The following CSMD2 variants were observed in gnomAD, a reference collection of about 807,000 sequenced individuals.
CSMD2 encodes the protein CUB and Sushi multiple domains 2, also known as CUB and sushi domain-containing protein 2.
A neutral mutation model predicts 398.5 loss-of-function variants in CSMD2; 130 were observed. That is an observed-to-expected ratio of 0.33 (90% CI 0.28 to 0.38). The LOEUF is 0.38. Ranked by LOEUF, CSMD2 falls within the 10% of genes least tolerant of loss-of-function variation. The pLI is 1.00. For missense variants in CSMD2, 3,829 were observed against 4,764.9 expected (o/e 0.80, Z 5.78); for synonymous variants, 1,828 against 1,908.5 (o/e 0.96, Z 1.10).
chr1:33,785,112 C>A lies in CSMD2; in HGVS notation c.1663+3488G>T, dbSNP rs549695538. Among the ~76,000 whole-genome samples the A allele has an allele frequency of 1.5e-4, 23 of 152,352 alleles. 1 individual carries two copies. The South Asian group carries it at 4.8e-3, about 32-fold the overall frequency. On this transcript the variant is annotated intron_variant, in intron 12 of 70. Coordinates refer to ENST00000373381, the MANE Select transcript of CSMD2 (RefSeq NM_001281956.2). ...AGGAGAAGTCCTGCTGACACCTAGT[C>A]CATGAGCAGCATTCACATAGCATAT...
chr1:33,848,660 A>ACC (rs1365528685), intron 5 of CSMD2, among the ~76,000 whole-genome samples: 1 of 152,242 alleles, frequency 6.6e-6, no homozygotes, highest in Non-Finnish European at 1.5e-5. Flanking sequence ...GAAAATGCTG[A>ACC]CACACACCAA....
At chr1:33,922,928 A>C (rs1440990927) in intron 4 of CSMD2, among the ~76,000 whole-genome samples, 1 of 151,980 alleles carries the variant, frequency 6.6e-6, no homozygotes, top group Non-Finnish European at 1.5e-5. Context: ...TTTAAATTTT[A>C]TTTTTAATTG....
chr1:34,082,353 G>A (rs1211150863), intron 2 of CSMD2, among the ~76,000 whole-genome samples: 25 of 149,646 alleles, frequency 1.7e-4, no homozygotes, highest in African/African-American at 6.2e-4. Flanking sequence ...CCTCCGCCCA[G>A]CAGCCGCCCC....
chr1:33,558,704 C>A lies in CSMD2; in HGVS notation c.8554+596G>T, dbSNP rs1658270374. On this transcript the variant is annotated intron_variant, in intron 54 of 70. Coordinates refer to ENST00000373381, the MANE Select transcript of CSMD2 (RefSeq NM_001281956.2). ...CGTTAGAAGCTATTTCCTAAATACT[C>A]CAAATAGAGCCAGGACATTCTGTAT... Among the ~76,000 whole-genome samples, 3 of 152,292 alleles carry A rather than the reference C, an allele frequency of 2.0e-5. No individual in the cohort carries two copies. The South Asian group carries it at 6.2e-4, about 32-fold the overall frequency.
chr1:33,755,963 T>C (rs1159383558), intron 13 of CSMD2, among the ~76,000 whole-genome samples: 2 of 152,138 alleles, frequency 1.3e-5, no homozygotes, highest in African/African-American at 4.8e-5. Flanking sequence ...CAGGTAGAAC[T>C]TGAGCATCGG....
chr1:33,560,437 G>C (rs1658436377), intron 53 of CSMD2, among the ~76,000 whole-genome samples: 1 of 152,214 alleles, frequency 6.6e-6, no homozygotes, highest in East Asian at 1.9e-4. Flanking sequence ...CTTTCTCCCA[G>C]TGGTATAGCT....
intron 3 of CSMD2, among the ~76,000 whole-genome samples, chr1:34,006,367 T>A (rs1381354236): frequency 6.6e-6 from 1 of 152,102 alleles, no homozygotes. Context: ...TCCAGGAGCT[T>A]CAACCTAGAG....
intron 7 of CSMD2, among the ~76,000 whole-genome samples, 194 bp downstream of exon 7, chr1:33,825,503 G>A (rs1658696929): frequency 1.3e-5 from 2 of 152,264 alleles, no homozygotes; most frequent in South Asian, 4.1e-4. Context: ...AGAGGAGGAG[G>A]AGAAGGCAAA....
chr1:34,138,828 A>G (rs1639004797), intron 1 of CSMD2, among the ~76,000 whole-genome samples: 1 of 152,222 alleles, frequency 6.6e-6, no homozygotes, highest in Non-Finnish European at 1.5e-5. Flanking sequence ...AACAATTTTT[A>G]TATATTTTTA....
intron 9 of CSMD2, 57 bp downstream of exon 9, chr1:33,819,656 A>C (rs1466959422): frequency 6.5e-7 from 1 of 1,549,564 alleles, no homozygotes; most frequent in Non-Finnish European, 8.8e-7. Flanking sequence ...GCTGGGCTTC[A>C]GCCTCCAGGC....
rs189411966 is a variant in CSMD2, at chr1:33,775,753, T to C, written c.1664-3002A>G. Among the ~76,000 whole-genome samples the C allele has an allele frequency of 1.9e-3, 293 of 152,268 alleles. 7 individuals are homozygous for C. Among genetic ancestry groups the C allele is most frequent in the Admixed American group, 0.017 (259 of 15,298 alleles). Reference sequence around the variant, plus strand: ...TCAAGAGAGAAGCCTGGTCTAGAAATTCAGCTCATAGATTGTAAAAGAAGC... The same window carrying C: ...TCAAGAGAGAAGCCTGGTCTAGAAACTCAGCTCATAGATTGTAAAAGAAGC... On this transcript the variant is annotated intron_variant, in intron 12 of 70. Coordinates refer to ENST00000373381, the MANE Select transcript of CSMD2 (RefSeq NM_001281956.2).
At chr1:33,829,965 C>T (rs1438623278) in intron 6 of CSMD2, among the ~76,000 whole-genome samples, 7 of 152,330 alleles carry the variant, frequency 4.6e-5, no homozygotes, top group South Asian at 4.1e-4. Context: ...GAGGGGCGCC[C>T]GCCATTGCCC....
At position 34,041,030 on chromosome 1, in the gene CSMD2, CAGA is replaced by C. The variant is rs538891971; in HGVS notation, c.405-8327_405-8325del. 3.7e-4 allele frequency among the ~76,000 whole-genome samples: 57 copies of C among 152,194 alleles called. 1 individual carries two copies. Among genetic ancestry groups the C allele is most frequent in the African/African-American group, 1.3e-3 (54 of 41,528 alleles). The stretch of plus-strand genomic sequence containing the variant: ...GTCCCAGCTACTCAGGAGTCTGAGG[CAGA>C]AGGATTGCTTGAGCCCAGGAGTTTG... On this transcript the variant is annotated intron_variant, in intron 2 of 70. Transcript: ENST00000373381.
At chr1:33,634,770 GAC>G (rs1455262983) in intron 31 of CSMD2, among the ~76,000 whole-genome samples, 1 of 152,104 alleles carries the variant, frequency 6.6e-6, no homozygotes, top group African/African-American at 2.4e-5. Context: ...TCTCAGATGG[GAC>G]ACCAGAATGA....
At chr1:33,767,133 C>T (rs1188240555) in intron 13 of CSMD2, among the ~76,000 whole-genome samples, 1 of 152,074 alleles carries the variant, frequency 6.6e-6, no homozygotes, top group African/African-American at 2.4e-5. Context: ...GACAGAAGAA[C>T]CCACAGATTT....
At chr1:33,805,005 A>G (rs1656060732) in intron 10 of CSMD2, 1 of 655,866 alleles carries the variant, frequency 1.5e-6, no homozygotes, top group African/African-American at 1.8e-5. Flanking sequence ...GCACACTCTA[A>G]GCGGTGCTCT....
chr1:34,037,169 A>G (rs1443457027), intron 2 of CSMD2, among the ~76,000 whole-genome samples: 1 of 152,168 alleles, frequency 6.6e-6, no homozygotes, highest in Non-Finnish European at 1.5e-5. Flanking sequence ...TTATATTGCT[A>G]TTGGACAGTA....
chr1:34,156,431 C>T (rs1461777225), intron 1 of CSMD2, among the ~76,000 whole-genome samples: 2 of 152,218 alleles, frequency 1.3e-5, no homozygotes, highest in Non-Finnish European at 2.9e-5. Flanking sequence ...TCTGCACATT[C>T]TCTCATAATA....
chr1:33,613,971 C>A (rs1000641338), intron 40 of CSMD2, among the ~76,000 whole-genome samples: 1 of 151,900 alleles, frequency 6.6e-6, no homozygotes, highest in African/African-American at 2.4e-5. Flanking sequence ...CCCCCAAAAC[C>A]AAAAAAACAA....
Sources: allele counts gnomAD v4.1 joint callset (sites outside exome capture counted in the v4.1 genomes callset), GRCh38; gene constraint gnomAD v4.1.1; transcripts MANE v1.5; gene names NCBI Gene and HGNC (gene_info 2026-07-23, HGNC 2026-07-21).